Variants in PDE1A observed in about 807,000 individuals in gnomAD.
PDE1A encodes dual specificity calcium/calmodulin-dependent 3',5'-cyclic nucleotide phosphodiesterase 1A.
A neutral mutation model predicts 61.7 loss-of-function variants in PDE1A; 35 were observed. The ratio of observed to expected loss-of-function variants is 0.57; its 90% confidence interval spans 0.43 to 0.75. PDE1A has a LOEUF of 0.75. Among genes scored for constraint, PDE1A ranks in the 30% least tolerant of loss-of-function variants. The pLI, the probability that PDE1A is intolerant of heterozygous loss-of-function variation, is 0.00. For missense variants in PDE1A, 597 were observed against 630.6 expected, an observed-to-expected ratio of 0.95 and a Z score of 0.57; for synonymous variants, 232 against 213.2, an observed-to-expected ratio of 1.09 and a Z score of -0.77.
chr2:182,178,461 T>C (rs1174837464), intron 13 of PDE1A, among the ~76,000 whole-genome samples: 1 of 152,146 alleles, frequency 6.6e-6, no homozygotes. Context: ...AGTTGGAAGA[T>C]TCAAGAGACT....
intron 6 of PDE1A, among the ~76,000 whole-genome samples, chr2:182,224,217 T>C (rs1688959410): frequency 6.6e-6 from 1 of 151,950 alleles, no homozygotes; most frequent in Non-Finnish European, 1.5e-5. Context: ...GGAGTAGTTT[T>C]CTATGATTTA....
chr2:182,562,872 G>C, the PDE1A span, among the ~76,000 whole-genome samples: 16 of 152,186 alleles, frequency 1.1e-4, no homozygotes, highest in Admixed American at 1.0e-3. Context: ...TCTGATGGTA[G>C]TTTGTATTTC....
Position 182,153,612 on chromosome 2 carries a change from G to A in PDE1A, c.1517-6460C>T, listed in dbSNP as rs1052902740. 2.6e-5 allele frequency among the ~76,000 whole-genome samples: 4 copies of A among 152,340 alleles called. No individual in the cohort carries two copies. In the East Asian group the frequency reaches 7.7e-4, roughly 29 times the overall value. On this transcript the variant is annotated intron_variant, in intron 13 of 13. Coordinates refer to the PDE1A transcript ENST00000409365. ...AGCAGGGAGATGATAAGAATGCACA[G>A]GCATTGATTGAAGGTAGAGAAGTTG...
At chr2:182,529,640 T>A in the PDE1A span, among the ~76,000 whole-genome samples, 1 of 152,128 alleles carries the variant, frequency 6.6e-6, no homozygotes, top group Non-Finnish European at 1.5e-5. Flanking sequence ...TCCACCCAAA[T>A]CTCATTTTGA....
chr2:182,529,785 T>C, the PDE1A span, among the ~76,000 whole-genome samples: 1 of 152,226 alleles, frequency 6.6e-6, no homozygotes, highest in Non-Finnish European at 1.5e-5. Context: ...TATAAGCCTT[T>C]CACTTGGCTC....
chr2:182,692,903 ATAAT>A, the PDE1A span, among the ~76,000 whole-genome samples: 1 of 151,916 alleles, frequency 6.6e-6, no homozygotes, highest in Admixed American at 6.6e-5. Context: ...CAGTGGTTAC[ATAAT>A]TTATTGACTT....
chr2:182,292,178 T>C (rs964890043), intron 1 of PDE1A, among the ~76,000 whole-genome samples: 13 of 149,314 alleles, frequency 8.7e-5, no homozygotes, highest in African/African-American at 3.0e-4. Flanking sequence ...GTTCTTTTTA[T>C]AAGCTTCTGA....
At chr2:182,610,769 G>C in the PDE1A span, among the ~76,000 whole-genome samples, 1 of 151,780 alleles carries the variant, frequency 6.6e-6, no homozygotes. Flanking sequence ...CTTTGAAAAA[G>C]AGAGAAGAAA....
the PDE1A span, among the ~76,000 whole-genome samples, chr2:182,692,695 T>C: frequency 6.8e-6 from 1 of 148,108 alleles, no homozygotes; most frequent in African/African-American, 2.5e-5. Flanking sequence ...ATAAAATATA[T>C]ATATGTAATA....
intron 1 of PDE1A, among the ~76,000 whole-genome samples, chr2:182,320,250 G>A (rs999912879): frequency 1.3e-5 from 2 of 152,110 alleles, no homozygotes; most frequent in African/African-American, 4.8e-5. Context: ...GAACATGGCT[G>A]GTTGGTTTTG....
intron 1 of PDE1A, among the ~76,000 whole-genome samples, chr2:182,367,953 T>A (rs1229640385): frequency 1.3e-5 from 2 of 152,078 alleles, no homozygotes; most frequent in African/African-American, 4.8e-5. Flanking sequence ...CCAACACCAC[T>A]CTGTCTTTCT....
At chr2:182,309,696 G>T (rs1559322873) in intron 1 of PDE1A, among the ~76,000 whole-genome samples, 1 of 152,006 alleles carries the variant, frequency 6.6e-6, no homozygotes, top group African/African-American at 2.4e-5. Flanking sequence ...AATCAATGAA[G>T]AAAACCTTAT....
the PDE1A span, among the ~76,000 whole-genome samples, chr2:182,665,051 A>T: frequency 6.6e-6 from 1 of 152,192 alleles, no homozygotes; most frequent in Admixed American, 6.5e-5. Context: ...AATCAAATCA[A>T]ACTTTGTTTT....
chr2:182,439,275 T>G (rs549015794), intron 2 of PDE1A, among the ~76,000 whole-genome samples: 1 of 150,382 alleles, frequency 6.6e-6, no homozygotes, highest in South Asian at 2.1e-4. Flanking sequence ...TGCAGGGGGG[T>G]AGTGTGATGA....
In PDE1A at chr2:182,215,933, T is replaced by C. The variant is rs919330856; in HGVS notation, c.776+7931A>G. ...TCATTTTATGAGGCTAGCATCATTC[T>C]GATACCAAAGCCAGGCAGAGACACA... is the stretch of plus-strand genomic sequence containing the variant. On this transcript the variant is annotated intron_variant, in intron 7 of 13. Transcript: ENST00000351439. 4.1e-4 allele frequency among the ~76,000 whole-genome samples: 50 copies of C among 121,498 alleles called. 1 individual carries two copies. Among genetic ancestry groups the C allele is most frequent in the Non-Finnish European group, 7.2e-4 (43 of 59,896 alleles). The allele number at this position is 121,498 out of a possible 152,430, so 79.7% of individuals were successfully genotyped here.
intron 2 of PDE1A, among the ~76,000 whole-genome samples, chr2:182,475,308 G>A (rs980250133): frequency 6.6e-5 from 10 of 151,898 alleles, no homozygotes; most frequent in Non-Finnish European, 2.9e-5. Flanking sequence ...GCCATCAGGT[G>A]ATACAGTGTT....
chr2:182,364,830 C>T (rs1699747830), intron 1 of PDE1A, among the ~76,000 whole-genome samples: 1 of 151,922 alleles, frequency 6.6e-6, no homozygotes, highest in South Asian at 2.1e-4. Flanking sequence ...AATACAATGA[C>T]ATTTTTGTAT....
At chr2:182,523,878 C>A (rs1209318584), upstream of PDE1A, among the ~76,000 whole-genome samples, 1 of 151,994 alleles carries the variant, frequency 6.6e-6, no homozygotes, top group Non-Finnish European at 1.5e-5. Flanking sequence ...GACACTGATG[C>A]TATCTAGTAG....
the PDE1A span, among the ~76,000 whole-genome samples, chr2:182,578,005 G>A: frequency 7.3e-5 from 11 of 151,564 alleles, no homozygotes; most frequent in Admixed American, 7.3e-4. Flanking sequence ...ACGGAGGGAG[G>A]GAGGGGAAAG....
Sources: gnomAD v4.1 joint callset for allele counts (sites outside exome capture counted in the v4.1 genomes callset) on GRCh38, gnomAD v4.1.1 for gene constraint, MANE v1.5 for transcripts, NCBI Gene and HGNC (gene_info 2026-07-23, HGNC 2026-07-21) for gene names.